Variants in FARS2 observed in about 807,000 individuals in gnomAD.
The protein encoded by FARS2 is phenylalanyl-tRNA synthetase 2, mitochondrial.
A neutral mutation model predicts 46.4 loss-of-function variants in FARS2; 40 were observed. The observed-to-expected ratio is 0.86, with a 90% CI of 0.67 to 1.12. The LOEUF is 1.12. Among genes scored for constraint, FARS2 ranks in the 50% most tolerant of loss-of-function variants. The pLI, the probability that FARS2 is intolerant of heterozygous loss-of-function variation, is 0.00. For synonymous variants in FARS2, 234 were observed against 214.9 expected (o/e 1.09, Z -0.78); for missense variants, 513 against 567.9 (o/e 0.90, Z 0.98).
chr6:5,658,071 A>G (rs2150774451), intron 6 of FARS2, among the ~76,000 whole-genome samples: 1 of 152,340 alleles, frequency 6.6e-6, no homozygotes. Context: ...AGTCTGATGA[A>G]CATGGAGGAA....
Position 5,425,190 on chromosome 6 carries a change from T to C in FARS2, c.773-5851T>C, listed in dbSNP as rs186927743. Among the ~76,000 whole-genome samples, 175 of 152,286 alleles carry C rather than the reference T, an allele frequency of 1.1e-3. 2 individuals carry two copies. Among genetic ancestry groups the C allele is most frequent in the African/African-American group, 4.1e-3 (172 of 41,552 alleles). Reference sequence around the variant, plus strand: ...TTGTTCAGTTAATTTTAAAAAATTATTCATGGAGGGTACCCCTGGTTTGGT... The same window carrying C: ...TTGTTCAGTTAATTTTAAAAAATTACTCATGGAGGGTACCCCTGGTTTGGT... On this transcript the variant is annotated intron_variant, in intron 3 of 6. Transcript: ENST00000274680.
intron 5 of FARS2, among the ~76,000 whole-genome samples, chr6:5,561,188 C>T (rs1270962656): frequency 6.6e-6 from 1 of 152,160 alleles, no homozygotes; most frequent in Non-Finnish European, 1.5e-5. Flanking sequence ...GTAATATTCT[C>T]TTAATATATT....
intron 4 of FARS2, among the ~76,000 whole-genome samples, chr6:5,526,809 A>G (rs1306308477): frequency 6.6e-6 from 1 of 151,908 alleles, no homozygotes; most frequent in Admixed American, 6.6e-5. Context: ...TAGAGACAGG[A>G]TTTCACCATA....
At chr6:5,428,569 AAGAT>A (rs1431027531) in intron 3 of FARS2, among the ~76,000 whole-genome samples, 1 of 152,226 alleles carries the variant, frequency 6.6e-6, no homozygotes, top group African/African-American at 2.4e-5. Flanking sequence ...TAAAAAAAGA[AAGAT>A]AGAAATTATT....
At chr6:5,370,198 C>A (rs905586719) in intron 2 of FARS2, among the ~76,000 whole-genome samples, 1 of 152,158 alleles carries the variant, frequency 6.6e-6, no homozygotes, top group South Asian at 2.1e-4. Context: ...CTGTTGTATT[C>A]TATAAGTCCT....
At chr6:5,481,965 C>T (rs1038864727) in intron 4 of FARS2, among the ~76,000 whole-genome samples, 2 of 152,122 alleles carry the variant, frequency 1.3e-5, no homozygotes, top group Non-Finnish European at 2.9e-5. Context: ...CAGCATGAAT[C>T]GGTTCATCAG....
intron 4 of FARS2, among the ~76,000 whole-genome samples, chr6:5,487,482 TTA>T (rs1389721777): frequency 1.3e-5 from 2 of 152,238 alleles, no homozygotes; most frequent in African/African-American, 4.8e-5. Context: ...TGATATGTTT[TTA>T]TGTTTAATAC....
At chr6:5,540,210 A>G (rs1317535227) in intron 4 of FARS2, among the ~76,000 whole-genome samples, 3 of 152,154 alleles carry the variant, frequency 2.0e-5, no homozygotes, top group Non-Finnish European at 4.4e-5. Flanking sequence ...ACTTTATGAT[A>G]ATTCGATTTT....
chr6:5,305,301 G>C (rs1466693420), intron 1 of FARS2, among the ~76,000 whole-genome samples: 1 of 152,168 alleles, frequency 6.6e-6, no homozygotes, highest in African/African-American at 2.4e-5. Context: ...AAAATGTCTA[G>C]CACATTGTAT....
chr6:5,369,995 G>A (rs1758948522), intron 2 of FARS2, among the ~76,000 whole-genome samples: 1 of 151,560 alleles, frequency 6.6e-6, no homozygotes. Flanking sequence ...TTTTATATAA[G>A]AAACAAATGC....
intron 6 of FARS2, among the ~76,000 whole-genome samples, chr6:5,705,244 C>T (rs533685587): frequency 3.1e-4 from 47 of 152,246 alleles, no homozygotes; most frequent in African/African-American, 1.1e-3. Flanking sequence ...ATGAAATTGC[C>T]GTTTTTTAAT....
At chr6:5,450,663 T>C (rs1338946332) in intron 4 of FARS2, among the ~76,000 whole-genome samples, 1 of 152,034 alleles carries the variant, frequency 6.6e-6, no homozygotes, top group Non-Finnish European at 1.5e-5. Flanking sequence ...AACCAGAGGG[T>C]TAGGGATCCA....
intron 6 of FARS2, among the ~76,000 whole-genome samples, chr6:5,667,037 A>G (rs1778162502): frequency 6.6e-6 from 1 of 152,182 alleles, no homozygotes; most frequent in Non-Finnish European, 1.5e-5. Context: ...ATGGACACAT[A>G]CTGGGGCCTA....
intron 1 of FARS2, among the ~76,000 whole-genome samples, chr6:5,341,218 TATATATATATATATATA>T (rs1351738377): frequency 0.037 from 274 of 7,384 alleles, 4 homozygotes; most frequent in East Asian, 0.13. Context: ...TATATATATA[TATATATATATATATATA>T]TTTTTTTTTT....
chr6:5,509,542 T>C (rs1582307733), intron 4 of FARS2, among the ~76,000 whole-genome samples: 2 of 152,190 alleles, frequency 1.3e-5, no homozygotes, highest in African/African-American at 2.4e-5. Flanking sequence ...TCGATGGGCA[T>C]AGTGCAGGAA....
intron 6 of FARS2, among the ~76,000 whole-genome samples, chr6:5,653,951 G>A (rs931474899): frequency 1.8e-4 from 27 of 152,290 alleles, no homozygotes; most frequent in Admixed American, 1.2e-3. Context: ...AGTTTCCTAC[G>A]TAATGCTGGG....
At chr6:5,277,996 A>T (rs934035918) in intron 1 of FARS2, among the ~76,000 whole-genome samples, 1 of 152,136 alleles carries the variant, frequency 6.6e-6, no homozygotes, top group Non-Finnish European at 1.5e-5. Flanking sequence ...CTAGAACCTT[A>T]ATCTTTTCAA....
At chr6:5,519,553 G>C (rs1320832779) in intron 4 of FARS2, among the ~76,000 whole-genome samples, 1 of 152,158 alleles carries the variant, frequency 6.6e-6, no homozygotes, top group East Asian at 1.9e-4. Flanking sequence ...TGCTGAGTGA[G>C]GATTGAGTTA....
At chr6:5,366,238 C>T (rs1022970532) in intron 1 of FARS2, among the ~76,000 whole-genome samples, 9 of 151,986 alleles carry the variant, frequency 5.9e-5, no homozygotes, top group Non-Finnish European at 7.4e-5. Context: ...TAAAGTGGTA[C>T]GAACAATACT....
Sources: gnomAD v4.1 joint callset for allele counts (sites outside exome capture counted in the v4.1 genomes callset) on GRCh38, gnomAD v4.1.1 for gene constraint, MANE v1.5 for transcripts, NCBI Gene and HGNC (gene_info 2026-07-23, HGNC 2026-07-21) for gene names.